The following ABCC4 variants were observed in gnomAD, a reference collection of about 807,000 sequenced individuals.
ABCC4 encodes ATP binding cassette subfamily C member 4 (PEL blood group), also known as ATP-binding cassette sub-family C member 4.
Under a neutral mutation model 168.5 loss-of-function variants are expected in ABCC4, and 102 were observed. The observed-to-expected ratio is 0.61, with a 90% CI of 0.52 to 0.71. ABCC4 has a LOEUF of 0.71. ABCC4 is among the 30% of genes least tolerant of loss of function. The pLI, the probability that ABCC4 is intolerant of heterozygous loss-of-function variation, is 0.00. For missense variants in ABCC4, 1,402 were observed against 1,605.8 expected (o/e 0.87, Z 2.17); for synonymous variants, 617 against 590.7 (o/e 1.04, Z -0.65).
intron 24 of ABCC4, among the ~76,000 whole-genome samples, chr13:95,072,561 C>G (rs1435791890): frequency 6.6e-6 from 1 of 152,212 alleles, no homozygotes; most frequent in Admixed American, 6.5e-5. Flanking sequence ...GTAATAATTA[C>G]TCAACTTTTG....
chr13:95,220,210 T>A (rs1401774092), intron 4 of ABCC4, among the ~76,000 whole-genome samples: 1 of 152,134 alleles, frequency 6.6e-6, no homozygotes, highest in Non-Finnish European at 1.5e-5. Context: ...AAATAAGAAA[T>A]GTGTTTATAA....
intron 8 of ABCC4, among the ~76,000 whole-genome samples, chr13:95,202,056 G>T (rs1359247507): frequency 6.6e-6 from 1 of 152,222 alleles, no homozygotes; most frequent in Non-Finnish European, 1.5e-5. Context: ...AAACATGTCT[G>T]GGTATCAATG....
intron 1 of ABCC4, among the ~76,000 whole-genome samples, chr13:95,286,213 A>G (rs936057813): frequency 6.8e-6 from 1 of 147,056 alleles, no homozygotes; most frequent in Non-Finnish European, 1.5e-5. Context: ...TCCGCCTCCC[A>G]GGTTCAAGCG....
intron 29 of ABCC4, among the ~76,000 whole-genome samples, chr13:95,041,447 C>T (rs1015037881): frequency 2.0e-5 from 3 of 152,184 alleles, no homozygotes; most frequent in African/African-American, 7.2e-5. Context: ...ACCAATGCAA[C>T]AAAACGTAAT....
At chr13:95,097,002 G>A (rs1464583200) in intron 20 of ABCC4, among the ~76,000 whole-genome samples, 1 of 152,174 alleles carries the variant, frequency 6.6e-6, no homozygotes, top group African/African-American at 2.4e-5. Flanking sequence ...AATATATCAT[G>A]AAGTTTATAG....
intron 4 of ABCC4, among the ~76,000 whole-genome samples, chr13:95,218,636 G>A (rs2039190309): frequency 1.3e-5 from 2 of 152,026 alleles, no homozygotes; most frequent in African/African-American, 4.8e-5. Flanking sequence ...AAGATCACAT[G>A]AGCCCAGGAG....
At chr13:95,096,190 A>T in intron 20 of ABCC4, 1 of 638,344 alleles carries the variant, frequency 1.6e-6, no homozygotes, top group Non-Finnish European at 2.8e-6. Flanking sequence ...CTATGAAAGA[A>T]AAAAAAAAAC....
chr13:95,177,113 A>C (rs976216004), intron 13 of ABCC4, among the ~76,000 whole-genome samples: 2 of 152,166 alleles, frequency 1.3e-5, no homozygotes, highest in African/African-American at 2.4e-5. Flanking sequence ...AGAATCCATG[A>C]AGCAACATTA....
chr13:95,178,390 AAG>A (rs1460773351), intron 11 of ABCC4, among the ~76,000 whole-genome samples: 8 of 152,366 alleles, frequency 5.3e-5, no homozygotes, highest in Admixed American at 2.6e-4. Flanking sequence ...TCAGCAGCGA[AAG>A]AGTTTCCACA....
chr13:95,029,255 AAGAGAGAG>A lies in ABCC4; in HGVS notation c.3870+5342_3870+5349del, dbSNP rs1234337009. Among the ~76,000 whole-genome samples, 5 of 5,332 alleles carry A rather than the reference AAGAGAGAG, an allele frequency of 9.4e-4. 1 individual carries two copies. Among genetic ancestry groups the A allele is most frequent in the Admixed American group, 2.7e-3 (1 of 374 alleles). 3.5% of individuals were successfully genotyped at this position (5,332 alleles called of 152,430 possible). On this transcript the variant is annotated intron_variant, in intron 30 of 30. Transcript: ENST00000645237. Reference sequence around the variant, plus strand: ...AGAGAGAGAGAGAGAGAGAGAGAGAAAGAGAGAGAGAGAGAGAGAGAGAACGCTAATAA... The same window carrying A: ...AGAGAGAGAGAGAGAGAGAGAGAGAAAGAGAGAGAGAGAGAACGCTAATAA...
intron 29 of ABCC4, among the ~76,000 whole-genome samples, chr13:95,039,369 A>C (rs1227429873): frequency 1.3e-5 from 2 of 152,200 alleles, no homozygotes; most frequent in Non-Finnish European, 2.9e-5. Context: ...AAGATTCTAG[A>C]TCTTTTACAA....
At chr13:95,290,262 A>T (rs1203408735) in intron 1 of ABCC4, among the ~76,000 whole-genome samples, 1 of 152,160 alleles carries the variant, frequency 6.6e-6, no homozygotes, top group Non-Finnish European at 1.5e-5. Flanking sequence ...AATCATGGTG[A>T]GGGCTAAGAA....
At chr13:95,111,366 T>C (rs1240624888) in intron 20 of ABCC4, among the ~76,000 whole-genome samples, 1 of 152,254 alleles carries the variant, frequency 6.6e-6, no homozygotes, top group Non-Finnish European at 1.5e-5. Context: ...GATTAGCCCA[T>C]GGCAACCTTG....
At chr13:95,184,332 A>C (rs2037993299) in intron 11 of ABCC4, among the ~76,000 whole-genome samples, 1 of 152,176 alleles carries the variant, frequency 6.6e-6, no homozygotes, top group Non-Finnish European at 1.5e-5. Context: ...AACAGGTAAA[A>C]AGGGAAGGCT....
intron 1 of ABCC4, among the ~76,000 whole-genome samples, chr13:95,292,982 C>T (rs145419692): frequency 1.2e-4 from 18 of 152,270 alleles, no homozygotes; most frequent in African/African-American, 2.4e-4. Flanking sequence ...GTGTAACAAA[C>T]GCTACCGGCT....
chr13:95,144,082 C>T (rs2036407542), intron 19 of ABCC4, among the ~76,000 whole-genome samples: 1 of 152,100 alleles, frequency 6.6e-6, no homozygotes, highest in Non-Finnish European at 1.5e-5. Flanking sequence ...CAGATAAACG[C>T]ATCCATTAGA....
intron 8 of ABCC4, among the ~76,000 whole-genome samples, chr13:95,205,804 A>G (rs1751029): frequency 0.89 from 136,171 of 152,282 alleles, 61,110 homozygotes; most frequent in African/African-American, 0.95. Context: ...AAGGCTGGAG[A>G]GAACTAACCA....
intron 1 of ABCC4, among the ~76,000 whole-genome samples, chr13:95,260,904 C>T (rs760851177): frequency 6.3e-4 from 95 of 151,528 alleles, no homozygotes; most frequent in Non-Finnish European, 1.2e-3. Context: ...GATCCCTTCA[C>T]CCTCCCAATA....
Position 95,301,320 on chromosome 13 carries a change from C to G in ABCC4, c.-6G>C, listed in dbSNP as rs2138983435. The G allele has an allele frequency of 6.3e-7, 1 of 1,576,946 alleles. No individual in the cohort carries two copies. The highest frequency in any genetic ancestry group is 8.6e-7 in the Non-Finnish European group (1 of 1,162,744). On this transcript the variant is annotated 5_prime_UTR_variant, in exon 1 of 31. Transcript: ENST00000645237. ...TCCTGGTACACGGGCAGCATCTTGC[C>G]GGGCGGGGCGGGCGCGGGCCGGGGT...
Sources: gnomAD v4.1 joint callset for allele counts (sites outside exome capture counted in the v4.1 genomes callset) on GRCh38, gnomAD v4.1.1 for gene constraint, MANE v1.5 for transcripts, NCBI Gene and HGNC (gene_info 2026-07-23, HGNC 2026-07-21) for gene names.